The following SRRT variants were observed in gnomAD, a reference collection of about 807,000 sequenced individuals.
SRRT encodes the protein serrate, RNA effector molecule, also known as serrate RNA effector molecule homolog.
In SRRT, 32 loss-of-function variants were observed where a neutral mutation model predicts 103.2. The ratio of observed to expected loss-of-function variants is 0.31; its 90% CI spans 0.23 to 0.42. The LOEUF is 0.42. Among genes scored for constraint, SRRT ranks in the 10% least tolerant of loss-of-function variants. The pLI is 1.00. For missense variants in SRRT, 986 were observed against 1,207.5 expected (o/e 0.82, Z 2.72); for synonymous variants, 525 against 449.0 (o/e 1.17, Z -2.14).
At position 100,885,998 on chromosome 7, in the gene SRRT, G is replaced by C; in HGVS notation, c.1458+57G>C. 1 of 1,558,148 alleles carries C rather than the reference G, an allele frequency of 6.4e-7. No individual in the cohort carries two copies. The highest frequency in any genetic ancestry group is 8.8e-7 in the Non-Finnish European group (1 of 1,130,686). ...GGAAGGGAGACTCTGTGCCACACGG[G>C]ACCTCTGTGTGACTTTGTTCATCTG... is the stretch of plus-strand genomic sequence containing the variant. On this transcript the variant is annotated intron_variant, in intron 12 of 19. Coordinates refer to ENST00000611405, the MANE Select transcript of SRRT (RefSeq NM_015908.6). This position sits in a 1 kb window ranked among gnomAD's most constrained non-coding sequence, Gnocchi z 4.8.
chr7:100,881,386 C>T lies in SRRT; in HGVS notation c.224C>T (p.Pro75Leu), dbSNP rs1288677919. 2 of 1,613,788 alleles carry T rather than the reference C, an allele frequency of 1.2e-6. No homozygotes were observed. Among genetic ancestry groups the T allele is most frequent in the Non-Finnish European group, 1.7e-6 (2 of 1,179,820 alleles). ...RFSPPRHELS[P>L]PQKRMRRDWD... ...TCGCCACCTCGCCACGAACTCAGCCCGCCACAGAAGCGCATGAGGAGAGAC... is the reference window on the plus strand; with the variant it reads ...TCGCCACCTCGCCACGAACTCAGCCTGCCACAGAAGCGCATGAGGAGAGAC... Residue 75 changes from proline to leucine, a missense_variant, in exon 3 of 20, where the codon CCG becomes CTG. Physicochemically the swap from Pro to Leu is moderately conservative, Grantham distance 98. Transcript: ENST00000611405.
At chr7:100,886,521 T>G in intron 13 of SRRT, 86 bp downstream of exon 13, 1 of 1,391,202 alleles carries the variant, frequency 7.2e-7, no homozygotes, top group Non-Finnish European at 9.7e-7. Flanking sequence ...TCTGTAGCCT[T>G]GAACCCTTGC....
intron 2 of SRRT, among the ~76,000 whole-genome samples, chr7:100,881,048 T>C (rs1816258782): frequency 6.6e-6 from 1 of 151,780 alleles, no homozygotes; most frequent in African/African-American, 2.4e-5. Context: ...AAGAAGGGCC[T>C]GTTTAGGAAT....
At chr7:100,881,597 T>C in intron 3 of SRRT, 62 bp from the exon 4 acceptor site, 1 of 1,607,438 alleles carries the variant, frequency 6.2e-7, no homozygotes, top group South Asian at 1.1e-5. Context: ...CGTCTGTCCA[T>C]CCTCCATGCT....
intron 4 of SRRT, 44 bp downstream of exon 4, chr7:100,881,849 A>G (rs773713379): frequency 1.9e-6 from 3 of 1,552,170 alleles, no homozygotes; most frequent in Non-Finnish European, 2.6e-6. Context: ...GGCCTGGGGG[A>G]TGGATGGGGT....
chr7:100,885,446 C>T lies in SRRT; in HGVS notation c.1317+76C>T. Reference sequence around the variant, plus strand: ...TAGAGGGAAGGCAGTGGGGCCCTGCCTGTGACAGATGCCCCCGTTTCACCT... The same window carrying T: ...TAGAGGGAAGGCAGTGGGGCCCTGCTTGTGACAGATGCCCCCGTTTCACCT... On this transcript the variant is annotated intron_variant, in intron 10 of 19. Coordinates refer to ENST00000611405, the MANE Select transcript of SRRT (RefSeq NM_015908.6). The surrounding 1 kb of genome is among the most constrained non-coding windows in gnomAD (Gnocchi z 4.8). The T allele has an allele frequency of 6.8e-7, 1 of 1,470,822 alleles. No individual in the cohort carries two copies. 91.1% of individuals were successfully genotyped at this position (1,470,822 alleles called of 1,614,324 possible). A position where few individuals can be genotyped will look rare whatever the true frequency, so the allele number is the denominator to read the frequency against.
intron 2 of SRRT, among the ~76,000 whole-genome samples, chr7:100,877,396 G>A (rs1428960710): frequency 4.1e-5 from 5 of 122,172 alleles, no homozygotes; most frequent in Non-Finnish European, 6.5e-5. Context: ...ACTCCGGCCT[G>A]GCGACAGAGC....
In SRRT at chr7:100,882,529, CTTG is replaced by C. The variant is rs1328188259; in HGVS notation, c.587+292_587+294del. 6.1e-6 allele frequency: 2 copies of C among 330,342 alleles called. No individual in the cohort carries two copies. Among genetic ancestry groups the C allele is most frequent in the Non-Finnish European group, 1.1e-5 (2 of 178,470 alleles). The allele number at this position is 330,342 out of a possible 1,614,324, so 20.5% of individuals were successfully genotyped here. On this transcript the variant is annotated intron_variant, in intron 5 of 19. Coordinates refer to ENST00000611405, the MANE Select transcript of SRRT (RefSeq NM_015908.6). The surrounding 1 kb of genome is among the most constrained non-coding windows in gnomAD (Gnocchi z 4.2). ...GGGGCAGCAGACAGACTGCTTCCCACTTGTTGGTGTTGGGTCATTGTCATCCCT... is the reference window on the plus strand; with the variant it reads ...GGGGCAGCAGACAGACTGCTTCCCACTTGGTGTTGGGTCATTGTCATCCCT...
chr7:100,884,015 C>T, intron 5 of SRRT, 55 bp from the exon 6 acceptor site: 2 of 1,522,768 alleles, frequency 1.3e-6, no homozygotes, highest in South Asian at 1.3e-5. Context: ...TTCCCACATC[C>T]TGGCCTTGGC....
intron 3 of SRRT, 30 bp from the exon 4 acceptor site, chr7:100,881,629 C>G (rs751123180): frequency 6.2e-7 from 1 of 1,613,534 alleles, no homozygotes; most frequent in East Asian, 2.2e-5. Flanking sequence ...ACTCCCTTCT[C>G]TGCTTTACTT....
At chr7:100,883,923 C>A (rs1789815933) in intron 5 of SRRT, 147 bp from the exon 6 acceptor site, 2 of 848,294 alleles carry the variant, frequency 2.4e-6, no homozygotes, top group South Asian at 2.0e-5. Context: ...TCTAGCGCAC[C>A]CCTATCCCTT....
Position 100,885,300 on chromosome 7 carries a change from C to A in SRRT, c.1247C>A (p.Pro416Gln). The A allele has an allele frequency of 6.2e-7, 1 of 1,614,132 alleles. No homozygotes were observed. Among genetic ancestry groups the A allele is most frequent in the Non-Finnish European group, 8.5e-7 (1 of 1,180,030 alleles). The change falls in exon 10 of 20, where the codon CCG becomes CAG. Residue 416 changes from proline (P) to glutamine (Q), a missense_variant. Around this residue, in one of 6 missense-constraint regions of SRRT, gnomAD observed 349 missense variants for 446.9 expected, o/e 0.78. Transcript: ENST00000611405. This position sits in a 1 kb window ranked among gnomAD's most constrained non-coding sequence, Gnocchi z 4.8. Reference protein sequence around the residue: ...DAAGLECKPRPLHKTCSLFMR... With the variant: ...DAAGLECKPRQLHKTCSLFMR... ...GCGGGGCTGGAGTGCAAGCCGCGGC[C>A]GCTGCATAAGACCTGCTCCCTCTTC...
intron 12 of SRRT, 49 bp from the exon 13 acceptor site, chr7:100,886,198 T>TGGCAAGCGG (rs889090783): frequency 4.4e-6 from 7 of 1,579,164 alleles, no homozygotes; most frequent in African/African-American, 4.0e-5. Flanking sequence ...GCTGTTTCTC[T>TGGCAAGCGG]GGCAAGCGGG....
chr7:100,886,226 CTGA>C lies in SRRT; in HGVS notation c.1459-15_1459-13del. On this transcript the variant is annotated intron_variant, in intron 12 of 19. Coordinates refer to ENST00000611405, the MANE Select transcript of SRRT (RefSeq NM_015908.6). Reference sequence around the variant, plus strand: ...CAAGCGGGGTAAGTGGGGTAAGCTGCTGATGATGTCTGCCCTCCAGCTCCGGGA... The same window carrying C: ...CAAGCGGGGTAAGTGGGGTAAGCTGCTGATGTCTGCCCTCCAGCTCCGGGA... 1 of 1,603,628 alleles carries C rather than the reference CTGA, an allele frequency of 6.2e-7. No homozygotes were observed. The highest frequency in any genetic ancestry group is 8.5e-7 in the Non-Finnish European group (1 of 1,174,740).
chr7:100,884,819 C>T lies in SRRT; in HGVS notation c.1022C>T (p.Ser341Phe), dbSNP rs2115849915. Residue 341 changes from serine to phenylalanine, a missense_variant, in exon 8 of 20, where the codon TCC becomes TTC. By Grantham distance (155) the Ser-to-Phe change is radical (BLOSUM62 -2). Around this residue, in one of 6 missense-constraint regions of SRRT, gnomAD observed 166 missense variants for 148.6 expected, o/e 1.12. Transcript: ENST00000611405. The part of the protein sequence containing the change: ...DGDKEEKKED[S>F]EKEAKKSSKK... ...GACAAGGAAGAGAAGAAAGAAGACT[C>T]CGAGAAGGAAGCCAAAAAGGTGAGG... is the stretch of plus-strand genomic sequence containing the variant. 6.2e-7 allele frequency: 1 copy of T among 1,613,956 alleles called. No individual in the cohort carries two copies. The highest frequency in any genetic ancestry group is 2.2e-5 in the East Asian group (1 of 44,874).
At position 100,875,673 on chromosome 7, in the gene SRRT, A is replaced by C; in HGVS notation, c.83A>C (p.Glu28Ala). Reference sequence around the variant, plus strand: ...CGCAGCGACTACGACCGTTCCCGCGAGAGAGATGAAAGACGTCGAGGGGAC... The same window carrying C: ...CGCAGCGACTACGACCGTTCCCGCGCGAGAGATGAAAGACGTCGAGGGGAC... The part of the protein sequence containing the change: ...RERSDYDRSR[E>A]RDERRRGDDW... Residue 28 changes from glutamate to alanine, a missense_variant, in exon 2 of 20, where the codon GAG becomes GCG. Physicochemically the swap from Glu to Ala is moderately radical, Grantham distance 107. This residue lies in a region of SRRT where 274 missense variants were observed against 358.5 expected (regional missense o/e 0.76). Transcript: ENST00000611405. The C allele has an allele frequency of 6.2e-7, 1 of 1,614,164 alleles. No individual in the cohort carries two copies. Among genetic ancestry groups the C allele is most frequent in the East Asian group, 2.2e-5 (1 of 44,888 alleles).
intron 2 of SRRT, among the ~76,000 whole-genome samples, chr7:100,878,197 G>A (rs749535887): frequency 4.6e-5 from 7 of 151,942 alleles, no homozygotes; most frequent in African/African-American, 9.7e-5. Context: ...CTGTAGTCCC[G>A]GCAACTCCGG....
At chr7:100,883,960 T>C in intron 5 of SRRT, 110 bp from the exon 6 acceptor site, 1 of 1,223,504 alleles carries the variant, frequency 8.2e-7, no homozygotes, top group Non-Finnish European at 1.1e-6. Context: ...TGACCTTTTG[T>C]GGTTGTGAGA....
rs1347818419 is a variant in SRRT at position 100,884,517 on chromosome 7, AACG to A, written c.910_912del (p.Asp304del). 9.5e-6 allele frequency: 15 copies of A among 1,584,364 alleles called. No individual in the cohort carries two copies. The highest frequency in any genetic ancestry group is 1.4e-5 in the African/African-American group (1 of 73,678). On this transcript the variant is annotated inframe_deletion, in exon 7 of 20. Transcript: ENST00000611405. ...CCTAGGGGACGGGGAGCGCAAAACC[AACG>A]ACAAGGATGAGAAGAAGGAAGACGG...
Sources: gnomAD v4.1 joint callset for allele counts (sites outside exome capture counted in the v4.1 genomes callset) on GRCh38, gnomAD v4.1.1 for gene constraint, gnomAD v4.1.1 regional missense constraint, Gnocchi (gnomAD v3.1) non-coding constraint, MANE v1.5 for transcripts, NCBI Gene and HGNC (gene_info 2026-07-23, HGNC 2026-07-21) for gene names.